Variants in OTOF observed in about 807,000 individuals in gnomAD.
OTOF encodes otoferlin, also known as fer-1-like family member 2.
OTOF carries 218 observed loss-of-function variants against 236.8 expected under a neutral mutation model. The ratio of observed to expected loss-of-function variants is 0.92; its 90% CI spans 0.82 to 1.03. The LOEUF (loss-of-function observed/expected upper bound fraction) is 1.03. Among genes scored for constraint, OTOF ranks in the 50% least tolerant of loss-of-function variants. The pLI is 0.00. For missense variants in OTOF, 2,590 were observed against 2,694.4 expected (o/e 0.96, Z 0.86); for synonymous variants, 1,041 against 1,072.5 (o/e 0.97, Z 0.57).
At position 26,475,953 on chromosome 2, in the gene OTOF, A is replaced by G. The variant is rs1345039891; in HGVS notation, c.2952T>C (p.Phe984=). The G allele has an allele frequency of 6.2e-7, 1 of 1,612,054 alleles. No homozygotes were observed. The highest frequency in any genetic ancestry group is 8.5e-7 in the Non-Finnish European group (1 of 1,179,654). Residue 984 remains phenylalanine, a synonymous_variant, in exon 24 of 47, where the codon TTT becomes TTC. Transcript: ENST00000272371. ...TCTGATTGATGAAGAAGACGCGGGC[A>G]AAGGGGTCTGAGAGTCCGCTGCTGT... ...AADSSGLSDP[F]ARVFFINQSQ...
intron 33 of OTOF, among the ~76,000 whole-genome samples, chr2:26,468,108 GAA>G (rs1664819366): frequency 1.3e-5 from 2 of 152,168 alleles, no homozygotes; most frequent in Non-Finnish European, 1.5e-5. Context: ...TTTCTTCATG[GAA>G]AAGAGTCTGG....
chr2:26,499,494 A>ATTAT (rs989519726), intron 8 of OTOF, among the ~76,000 whole-genome samples: 4 of 151,818 alleles, frequency 2.6e-5, no homozygotes, highest in Admixed American at 6.6e-5. Context: ...ATTGCTTTTT[A>ATTAT]TTATTTATTT....
chr2:26,481,416 C>T (rs1665538301), intron 14 of OTOF, among the ~76,000 whole-genome samples: 1 of 152,184 alleles, frequency 6.6e-6, no homozygotes, highest in Admixed American at 6.5e-5. Context: ...GAAGGCCATC[C>T]CTCTCCATCT....
chr2:26,480,120 C>T, intron 16 of OTOF, 83 bp downstream of exon 16: 2 of 827,832 alleles, frequency 2.4e-6, no homozygotes, highest in Non-Finnish European at 4.3e-6. Flanking sequence ...GAGCCTCACA[C>T]TTACCACCTG....
intron 5 of OTOF, among the ~76,000 whole-genome samples, chr2:26,511,890 T>C (rs13014924): frequency 0.39 from 59,828 of 151,940 alleles, 12,197 homozygotes; most frequent in Admixed American, 0.5. Context: ...TTAAAAACAC[T>C]CTTGGGGTAA....
At chr2:26,483,145 ATGTGTGAGTTGGTATGCGTGCG>A (rs1558491415) in intron 13 of OTOF, among the ~76,000 whole-genome samples, 6 of 128,422 alleles carry the variant, frequency 4.7e-5, no homozygotes, top group East Asian at 2.5e-4. Context: ...GCGTGTCTGC[ATGTGTGAGTTGGTATGCGTGCG>A]TGTGTGAGTT....
intron 30 of OTOF, chr2:26,472,272 C>T: frequency 1.8e-6 from 1 of 552,206 alleles, no homozygotes; most frequent in Admixed American, 2.7e-5. Flanking sequence ...CACACACATG[C>T]ACATATGCAC....
At position 26,479,473 on chromosome 2, in the gene OTOF, C is replaced by T; in HGVS notation, c.2093G>A (p.Arg698Lys). 6.2e-7 allele frequency: 1 copy of T among 1,601,592 alleles called. No homozygotes were observed. The highest frequency in any genetic ancestry group is 8.5e-7 in the Non-Finnish European group (1 of 1,174,988). Residue 698 changes from arginine (R) to lysine (K), a missense_variant and splice_region_variant, in exon 17 of 47, where the codon AGG (arginine) becomes AAG (lysine). This residue lies in a region of OTOF where 1,379 missense variants were observed against 1,341.6 expected (regional missense o/e 1.03). Transcript: ENST00000272371. ...TPPMRPQVTDRNYFHLPYLER... is the reference protein window; with the variant it reads ...TPPMRPQVTDKNYFHLPYLER... Reference sequence around the variant, plus strand: ...CAGGAGGATGGGAGGCTGGGCCCACCTGTCGGTGACCTGGGGCCGCATTGG... The same window carrying T: ...CAGGAGGATGGGAGGCTGGGCCCACTTGTCGGTGACCTGGGGCCGCATTGG...
At chr2:26,501,502 C>G (rs1358390074) in intron 8 of OTOF, among the ~76,000 whole-genome samples, 1 of 152,204 alleles carries the variant, frequency 6.6e-6, no homozygotes, top group Non-Finnish European at 1.5e-5. Flanking sequence ...CAATACTGAA[C>G]ATGAAATACT....
chr2:26,493,062 T>C (rs1432374554), intron 9 of OTOF, among the ~76,000 whole-genome samples: 2 of 152,192 alleles, frequency 1.3e-5, no homozygotes, highest in Non-Finnish European at 1.5e-5. Context: ...CTTGGGGACA[T>C]AGATGCTTAT....
chr2:26,532,724 C>G (rs1666979670), intron 2 of OTOF, among the ~76,000 whole-genome samples: 2 of 152,138 alleles, frequency 1.3e-5, no homozygotes, highest in South Asian at 4.1e-4. Flanking sequence ...ACCCAGTTTC[C>G]TGGTCTAGGC....
intron 2 of OTOF, among the ~76,000 whole-genome samples, chr2:26,528,382 C>G (rs778920479): frequency 6.6e-6 from 1 of 152,174 alleles, no homozygotes; most frequent in Non-Finnish European, 1.5e-5. Context: ...TCTCTCTCAT[C>G]AGAATCACCC....
Position 26,477,522 on chromosome 2 carries a change from G to A in OTOF, c.2316-16C>T, listed in dbSNP as rs1558485835. The A allele has an allele frequency of 1.3e-6, 2 of 1,599,252 alleles. No homozygotes were observed. Among genetic ancestry groups the A allele is most frequent in the South Asian group, 1.1e-5 (1 of 89,208 alleles). Reference sequence around the variant, plus strand: ...GAGGAAGCGGCTGGGGGTAGGGCGAGCCGGGGTTTAGCGAGCCTGACCAGC... The same window carrying A: ...GAGGAAGCGGCTGGGGGTAGGGCGAACCGGGGTTTAGCGAGCCTGACCAGC... On this transcript the variant is annotated splice_polypyrimidine_tract_variant and intron_variant, in intron 19 of 46. Coordinates refer to ENST00000272371, the MANE Select transcript of OTOF (RefSeq NM_194248.3). This position sits in a 1 kb window ranked among gnomAD's most constrained non-coding sequence, Gnocchi z 4.7.
intron 5 of OTOF, among the ~76,000 whole-genome samples, chr2:26,505,325 A>G (rs1666220717): frequency 6.6e-6 from 1 of 152,152 alleles, no homozygotes; most frequent in Non-Finnish European, 1.5e-5. Context: ...AATGAGAAGA[A>G]AGGGAAAGAA....
At chr2:26,521,208 T>G (rs1446170498) in intron 3 of OTOF, among the ~76,000 whole-genome samples, 1 of 152,218 alleles carries the variant, frequency 6.6e-6, no homozygotes, top group Non-Finnish European at 1.5e-5. Context: ...GAATCCCTGC[T>G]CTACTATTAC....
In OTOF at chr2:26,535,624, C is replaced by T. The variant is rs943697585; in HGVS notation, c.138+2092G>A. Among the ~76,000 whole-genome samples, 12 of 152,324 alleles carry T rather than the reference C, an allele frequency of 7.9e-5. No individual in the cohort carries two copies. In the East Asian group the frequency reaches 1.9e-3, roughly 25 times the overall value. ...GCTCTCTGACCCTAGTCATGTGCTT[C>T]TTCCATAACTGCTTCTGCCCTGCCC... On this transcript the variant is annotated intron_variant, in intron 2 of 46. Coordinates refer to ENST00000272371, the MANE Select transcript of OTOF (RefSeq NM_194248.3).
chr2:26,460,052 G>A lies in OTOF; in HGVS notation c.5967C>T (p.Tyr1989=), dbSNP rs1451195279. The part of the protein sequence containing the change: ...LALFLYSVPG[Y]LVKKILGA ...AGGCCCCGAGGATTTTCTTGACCAG[G>A]TAGCCAGGCACAGAGTAGAGGAACA... Residue 1989 remains tyrosine (Y), a synonymous_variant, in exon 46 of 47, where the codon TAC becomes TAT. Coordinates refer to ENST00000272371, the MANE Select transcript of OTOF (RefSeq NM_194248.3). This position sits in a 1 kb window ranked among gnomAD's most constrained non-coding sequence, Gnocchi z 5.3. 2 of 1,572,520 alleles carry A rather than the reference G, an allele frequency of 1.3e-6. No homozygotes were observed. The highest frequency in any genetic ancestry group is 4.6e-5 in the East Asian group (2 of 43,358).
intron 1 of OTOF, among the ~76,000 whole-genome samples, chr2:26,548,138 T>C (rs1362845882): frequency 6.6e-6 from 1 of 152,228 alleles, no homozygotes; most frequent in African/African-American, 2.4e-5. Flanking sequence ...ATTCCTGATA[T>C]TGGTAATTTG....
In OTOF at chr2:26,487,299, T is replaced by C. The variant is rs146841915; in HGVS notation, c.1045+1912A>G. Among the ~76,000 whole-genome samples, 76 of 152,216 alleles carry C rather than the reference T, an allele frequency of 5.0e-4. 1 individual carries two copies. The highest frequency in any genetic ancestry group is 4.6e-3 in the Admixed American group (70 of 15,292). The stretch of plus-strand genomic sequence containing the variant: ...AACTGGAGATATCAGAGTAAAGACA[T>C]TGGGTCTCAACTCCAGGACCCATGT... On this transcript the variant is annotated intron_variant, in intron 11 of 46. Coordinates refer to ENST00000272371, the MANE Select transcript of OTOF (RefSeq NM_194248.3).
Sources: gnomAD v4.1 joint callset for allele counts (sites outside exome capture counted in the v4.1 genomes callset) on GRCh38, gnomAD v4.1.1 for gene constraint, gnomAD v4.1.1 regional missense constraint, Gnocchi (gnomAD v3.1) non-coding constraint, MANE v1.5 for transcripts, NCBI Gene and HGNC (gene_info 2026-07-23, HGNC 2026-07-21) for gene names.